Variants in STK10 observed in about 807,000 individuals in gnomAD.
The protein encoded by STK10 is serine/threonine kinase 10, also known as serine/threonine-protein kinase 10.
In STK10, 78 loss-of-function variants were observed where a neutral mutation model predicts 113.8. The ratio of observed to expected loss-of-function variants is 0.69; its 90% CI spans 0.57 to 0.83. The LOEUF (loss-of-function observed/expected upper bound fraction) is 0.83, where lower values mean the gene tolerates loss of function less well. Among genes scored for constraint, STK10 ranks in the 40% least tolerant of loss-of-function variants. The pLI, the probability that STK10 is intolerant of heterozygous loss-of-function variation, is 0.00. For missense variants in STK10, 1,109 were observed against 1,280.1 expected, an observed-to-expected ratio of 0.87 and a Z score of 2.04; for synonymous variants, 465 against 494.7, an observed-to-expected ratio of 0.94 and a Z score of 0.80.
At chr5:172,131,053 T>TTTTTA (rs1769745229) in intron 2 of STK10, among the ~76,000 whole-genome samples, 1 of 148,650 alleles carries the variant, frequency 6.7e-6, no homozygotes, top group Non-Finnish European at 1.5e-5. Flanking sequence ...TTTTTTTTTT[T>TTTTTA]GACAGAGTCT....
At chr5:172,073,280 G>A (rs1166392701) in intron 12 of STK10, among the ~76,000 whole-genome samples, 1 of 152,132 alleles carries the variant, frequency 6.6e-6, no homozygotes, top group African/African-American at 2.4e-5. Flanking sequence ...AGCCTCCCAA[G>A]TAGCTGGGAT....
At chr5:172,081,978 G>C (rs1003014433) in intron 12 of STK10, among the ~76,000 whole-genome samples, 1 of 152,100 alleles carries the variant, frequency 6.6e-6, no homozygotes, top group Non-Finnish European at 1.5e-5. Flanking sequence ...GCACCCACTC[G>C]CCCTTCTGGG....
At chr5:172,106,508 A>C in intron 6 of STK10, 112 bp downstream of exon 6, 1 of 1,188,618 alleles carries the variant, frequency 8.4e-7, no homozygotes, top group Non-Finnish European at 1.1e-6. Flanking sequence ...CTTTGGAGCT[A>C]GCAGCACCAG....
chr5:172,069,511 A>T (rs1768133905), intron 12 of STK10, among the ~76,000 whole-genome samples: 1 of 152,204 alleles, frequency 6.6e-6, no homozygotes, highest in Non-Finnish European at 1.5e-5. Context: ...TCTTAGCTAA[A>T]GTCTAGGAGG....
chr5:172,105,633 G>C, intron 7 of STK10, 23 bp downstream of exon 7: 1 of 1,613,094 alleles, frequency 6.2e-7, no homozygotes, highest in Non-Finnish European at 8.5e-7. Context: ...TCAGGGAGCA[G>C]AGTGGGAGGG....
chr5:172,110,665 C>G (rs550894421), intron 4 of STK10, among the ~76,000 whole-genome samples: 2 of 151,364 alleles, frequency 1.3e-5, no homozygotes, highest in Admixed American at 6.6e-5. Flanking sequence ...AGGAGGGGGC[C>G]GGGGGTGGAA....
At chr5:172,151,968 G>GC (rs1044257599) in intron 2 of STK10, among the ~76,000 whole-genome samples, 5 of 152,336 alleles carry the variant, frequency 3.3e-5, no homozygotes, top group African/African-American at 9.6e-5. Context: ...GGCACTTTCT[G>GC]CCCCCACACA....
chr5:172,179,171 G>A (rs1211102072), intron 1 of STK10, among the ~76,000 whole-genome samples: 1 of 152,162 alleles, frequency 6.6e-6, no homozygotes, highest in African/African-American at 2.4e-5. Context: ...CTTCCTGGGT[G>A]AGAATCAGAT....
In STK10 at chr5:172,186,665, C is replaced by T. The variant is rs193107297; in HGVS notation, c.156+1222G>A. 9.2e-5 allele frequency among the ~76,000 whole-genome samples: 14 copies of T among 152,124 alleles called. No homozygotes were observed. In the South Asian group the frequency reaches 2.7e-3, roughly 29 times the overall value. ...AAGAAAAAACGCCACCACTCCAAGC[C>T]TCTAGGGCAGTACTTCTCAAACCTA... On this transcript the variant is annotated intron_variant, in intron 1 of 18. Transcript: ENST00000176763.
intron 1 of STK10, among the ~76,000 whole-genome samples, chr5:172,171,724 A>G (rs1430695991): frequency 1.2e-5 from 1 of 81,608 alleles, no homozygotes; most frequent in African/African-American, 5.6e-5. Flanking sequence ...TTAAAATAAA[A>G]TAAAATGAAT....
chr5:172,141,071 C>A (rs1261030317), intron 2 of STK10, among the ~76,000 whole-genome samples: 2 of 152,120 alleles, frequency 1.3e-5, no homozygotes, highest in Non-Finnish European at 2.9e-5. Context: ...CAGTCAAAAT[C>A]CTAGAATCAA....
chr5:172,177,103 G>A (rs1770773722), intron 1 of STK10, among the ~76,000 whole-genome samples: 2 of 151,958 alleles, frequency 1.3e-5, no homozygotes, highest in Non-Finnish European at 2.9e-5. Flanking sequence ...GAACCCAGGA[G>A]GCGATCATGC....
At chr5:172,058,232 T>C (rs182198022) in intron 14 of STK10, among the ~76,000 whole-genome samples, 43 of 152,300 alleles carry the variant, frequency 2.8e-4, no homozygotes, top group Admixed American at 1.0e-3. Context: ...TTTTGGTATA[T>C]CAGAATAGTG....
chr5:172,174,716 G>C (rs920981277), intron 1 of STK10, among the ~76,000 whole-genome samples: 2 of 152,210 alleles, frequency 1.3e-5, no homozygotes, highest in African/African-American at 4.8e-5. Context: ...GGGAATCTGA[G>C]TTGAGACCCG....
intron 12 of STK10, among the ~76,000 whole-genome samples, chr5:172,065,861 GAGA>G (rs145742132): frequency 0.21 from 31,961 of 149,674 alleles, 3,855 homozygotes; most frequent in East Asian, 0.36. Context: ...GTCCAGAGAT[GAGA>G]AGAAGAATCC....
At chr5:172,108,284 G>C (rs192462420) in intron 4 of STK10, 1 of 153,966 alleles carries the variant, frequency 6.5e-6, no homozygotes, top group Non-Finnish European at 1.4e-5. Flanking sequence ...TAATTGCTTG[G>C]CTATCAGGCA....
rs753831513 is a variant in STK10, at chr5:172,082,518, G to A, written c.1810-13C>T. On this transcript the variant is annotated splice_polypyrimidine_tract_variant and intron_variant, in intron 11 of 18. Transcript: ENST00000176763. This position sits in a 1 kb window ranked among gnomAD's most constrained non-coding sequence, Gnocchi z 4.3. ...ACTTCTTCTTGGCCTGAAAGGAGCAGAAATTCTGAGAAACTTAGCGAAGTC... is the reference window on the plus strand; with the variant it reads ...ACTTCTTCTTGGCCTGAAAGGAGCAAAAATTCTGAGAAACTTAGCGAAGTC... 3.2e-5 allele frequency: 50 copies of A among 1,561,104 alleles called. No homozygotes were observed. The South Asian group carries it at 5.0e-4, about 16-fold the overall frequency.
intron 1 of STK10, among the ~76,000 whole-genome samples, chr5:172,185,563 G>A (rs922200494): frequency 7.2e-5 from 11 of 152,124 alleles, no homozygotes; most frequent in African/African-American, 1.4e-4. Context: ...CACCACGCCC[G>A]GCCCAAAAAA....
Position 172,093,446 on chromosome 5 carries a change from G to C in STK10, c.1520C>G (p.Ser507Trp), listed in dbSNP as rs780841587. Residue 507 changes from serine (S) to tryptophan (W), a missense_variant, in exon 9 of 19, where the codon TCG becomes TGG. Physicochemically the swap from Ser to Trp is radical, Grantham distance 177. Coordinates refer to ENST00000176763, the MANE Select transcript of STK10 (RefSeq NM_005990.4). The surrounding 1 kb of genome is among the most constrained non-coding windows in gnomAD (Gnocchi z 4.1). ...CAGAGAGCCCATCTCTTTGTTCAGC[G>C]ACAGGTCAGTGGAGAGATTGGTACC... is the stretch of plus-strand genomic sequence containing the variant. ...DYGTNLSTDL[S>W]LNKEMGSLSI... The C allele has an allele frequency of 1.9e-6, 3 of 1,610,016 alleles. No individual in the cohort carries two copies. The highest frequency in any genetic ancestry group is 1.1e-5 in the South Asian group (1 of 90,942).
Sources: gnomAD v4.1 joint callset for allele counts (sites outside exome capture counted in the v4.1 genomes callset) on GRCh38, gnomAD v4.1.1 for gene constraint, Gnocchi (gnomAD v3.1) non-coding constraint, MANE v1.5 for transcripts, NCBI Gene and HGNC (gene_info 2026-07-23, HGNC 2026-07-21) for gene names.